The following PLXNA1 variants were observed in gnomAD, a reference collection of about 807,000 sequenced individuals.
The protein encoded by PLXNA1 is plexin-A1.
PLXNA1 carries 77 observed loss-of-function variants against 191.7 expected under a neutral mutation model. The observed-to-expected ratio is 0.40, with a 90% CI of 0.33 to 0.49. The LOEUF is 0.49. PLXNA1 is among the 20% of genes least tolerant of loss of function. PLXNA1 has a pLI of 0.63. For synonymous variants in PLXNA1, 1,137 were observed against 1,156.4 expected, an observed-to-expected ratio of 0.98 and a Z score of 0.34; for missense variants, 2,110 against 2,660.2, an observed-to-expected ratio of 0.79 and a Z score of 4.55.
chr3:127,009,557 C>G lies in PLXNA1; in HGVS notation c.2112+1644C>G, dbSNP rs937581846. 4.6e-5 allele frequency among the ~76,000 whole-genome samples: 7 copies of G among 151,792 alleles called. No individual in the cohort carries two copies. The South Asian group carries it at 8.4e-4, about 18-fold the overall frequency. On this transcript the variant is annotated intron_variant, in intron 9 of 31. Coordinates refer to ENST00000393409, the MANE Select transcript of PLXNA1 (RefSeq NM_032242.4). ...AACAATGGCCAGTGGCAGTCCCCCC[C>G]CAACCCCCCCACAAGCCCTCTTTCC...
chr3:127,025,390 A>G (rs531303488), intron 23 of PLXNA1, among the ~76,000 whole-genome samples: 42 of 152,288 alleles, frequency 2.8e-4, no homozygotes, highest in African/African-American at 9.9e-4. Flanking sequence ...ATTTATTTTC[A>G]TAGCTTGTTG....
chr3:126,986,075 A>G (rs1371482749), intron 1 of PLXNA1, among the ~76,000 whole-genome samples: 3 of 152,206 alleles, frequency 2.0e-5, no homozygotes, highest in East Asian at 1.9e-4. Flanking sequence ...CCTGTTGAAT[A>G]CAAAAAGTAG....
chr3:127,012,487 C>T (rs1576680843), intron 10 of PLXNA1, among the ~76,000 whole-genome samples: 1 of 152,224 alleles, frequency 6.6e-6, no homozygotes, highest in African/African-American at 2.4e-5. Flanking sequence ...CCGTGGGTCC[C>T]AGGCATGGGC....
At position 127,036,597 on chromosome 3, in the gene PLXNA1, T is replaced by C; in HGVS notation, c.*2580T>C. The C allele has an allele frequency of 6.6e-6, 1 of 152,432 alleles. No individual in the cohort carries two copies. The highest frequency in any genetic ancestry group is 1.5e-5 in the Non-Finnish European group (1 of 68,074). The allele number at this position is 152,432 out of a possible 1,614,324, so 9.4% of individuals were successfully genotyped here. A position where few individuals can be genotyped will look rare whatever the true frequency, so the allele number is the denominator to read the frequency against. On this transcript the variant is annotated 3_prime_UTR_variant, in exon 32 of 32. Transcript: ENST00000393409. ...CGTGGAGTTAGGCCCCAGTCCCTACTTGTCACTGGTTCCCACTGTGCTCCT... is the reference window on the plus strand; with the variant it reads ...CGTGGAGTTAGGCCCCAGTCCCTACCTGTCACTGGTTCCCACTGTGCTCCT...
rs771718256 is a variant in PLXNA1 at position 127,022,830 on chromosome 3, C to T, written c.4362+12C>T. On this transcript the variant is annotated intron_variant, in intron 23 of 31. Coordinates refer to ENST00000393409, the MANE Select transcript of PLXNA1 (RefSeq NM_032242.4). ...ATAAGTTCCTCAAGGTAAGCAGAGG[C>T]GGGAGGAAGCAGGTGTCAGAGGCAG... 4.0e-5 allele frequency: 65 copies of T among 1,611,096 alleles called. No homozygotes were observed. Among genetic ancestry groups the T allele is most frequent in the Middle Eastern group, 1.7e-4 (1 of 6,044 alleles).
intron 15 of PLXNA1, among the ~76,000 whole-genome samples, chr3:127,016,282 C>T (rs2079123063): frequency 5.3e-5 from 8 of 152,048 alleles, no homozygotes; most frequent in Admixed American, 5.2e-4. Context: ...GGCGGCAGGC[C>T]GGGTCCCAAA....
intron 27 of PLXNA1, 51 bp from the exon 28 acceptor site, chr3:127,029,823 G>C (rs773380759): frequency 2.0e-6 from 3 of 1,501,500 alleles, no homozygotes; most frequent in Non-Finnish European, 1.8e-6. Flanking sequence ...AGGCTCGGGC[G>C]GGGGGTGCGG....
At chr3:127,020,722 CCCTGCCTCTGTTGGGGGTCCCG>C (rs2079148097) in intron 21 of PLXNA1, among the ~76,000 whole-genome samples, 1 of 152,234 alleles carries the variant, frequency 6.6e-6, no homozygotes, top group South Asian at 2.1e-4. Context: ...GCCCCTTGGG[CCCTGCCTCTGTTGGGGGTCCCG>C]CCTGCGGCTC....
At chr3:126,989,820 GC>G in intron 2 of PLXNA1, 33 bp downstream of exon 2, 1 of 1,541,370 alleles carries the variant, frequency 6.5e-7, no homozygotes, top group Non-Finnish European at 8.9e-7. Flanking sequence ...TCCTCCCGCG[GC>G]CCCATCCCCT....
At chr3:127,029,340 C>T (rs2079194095) in intron 26 of PLXNA1, 100 bp from the exon 27 acceptor site, 1 of 1,136,656 alleles carries the variant, frequency 8.8e-7, no homozygotes, top group Admixed American at 1.7e-5. Flanking sequence ...CCTCCAGGCA[C>T]AGCACTAGGG....
At position 127,014,842 on chromosome 3, in the gene PLXNA1, T is replaced by C; in HGVS notation, c.2877+11T>C. On this transcript the variant is annotated intron_variant, in intron 14 of 31. Coordinates refer to ENST00000393409, the MANE Select transcript of PLXNA1 (RefSeq NM_032242.4). ...CGCTTCACCTTCGTGGTGAGTCTGC[T>C]GCCCTCCCTCTCTCCCTATTCTCTG... 6.2e-7 allele frequency: 1 copy of C among 1,610,056 alleles called. No individual in the cohort carries two copies. Among genetic ancestry groups the C allele is most frequent in the Middle Eastern group, 1.8e-4 (1 of 5,480 alleles).
intron 4 of PLXNA1, 45 bp from the exon 5 acceptor site, chr3:127,004,566 C>A (rs750821377): frequency 7.2e-6 from 10 of 1,395,252 alleles, no homozygotes; most frequent in Admixed American, 2.0e-5. Context: ...TGGTCAAGGA[C>A]CCCTGGGGTG....
rs1459434938 is a variant in PLXNA1 at position 127,036,273 on chromosome 3, C to G, written c.*2256C>G. The G allele has an allele frequency of 6.5e-6, 1 of 152,700 alleles. No homozygotes were observed. The highest frequency in any genetic ancestry group is 1.5e-5 in the Non-Finnish European group (1 of 68,116). The allele number at this position is 152,700 out of a possible 1,614,324, so 9.5% of individuals were successfully genotyped here. A position where few individuals can be genotyped will look rare whatever the true frequency, so the allele number is the denominator to read the frequency against. ...CATCACCTTCAGAATCCAGTTCCAA[C>G]CCCCACTCTCCTTAGGCCTTGTGCT... On this transcript the variant is annotated 3_prime_UTR_variant, in exon 32 of 32. Transcript: ENST00000393409.
At chr3:127,027,300 CG>C (rs758581690) in intron 23 of PLXNA1, 16 of 271,728 alleles carry the variant, frequency 5.9e-5, no homozygotes, top group Non-Finnish European at 2.1e-5. Flanking sequence ...GCTGAGGGCC[CG>C]GGGCTGTGCT....
At chr3:127,006,689 C>G (rs1388205084) in intron 8 of PLXNA1, among the ~76,000 whole-genome samples, 2 of 152,164 alleles carry the variant, frequency 1.3e-5, no homozygotes, top group African/African-American at 4.8e-5. Context: ...TACTGTTGGA[C>G]GATGCAGCAT....
intron 21 of PLXNA1, among the ~76,000 whole-genome samples, chr3:127,020,618 G>A (rs1406800604): frequency 1.3e-5 from 2 of 152,204 alleles, no homozygotes; most frequent in Non-Finnish European, 2.9e-5. Context: ...CAGAGGGCAG[G>A]AGGAGGCTCT....
rs2079114108 is a variant in PLXNA1 at position 127,014,700 on chromosome 3, C to T, written c.2757-11C>T. 6.2e-7 allele frequency: 1 copy of T among 1,611,084 alleles called. No homozygotes were observed. The highest frequency in any genetic ancestry group is 1.7e-5 in the Admixed American group (1 of 59,918). On this transcript the variant is annotated splice_polypyrimidine_tract_variant and intron_variant, in intron 13 of 31. Coordinates refer to ENST00000393409, the MANE Select transcript of PLXNA1 (RefSeq NM_032242.4). The stretch of plus-strand genomic sequence containing the variant: ...GGGCTCCTGCAGCCCCTGAGGCCCG[C>T]CTGCCCACAGGATCGTCTGTGAGAT...
chr3:127,014,673 C>T (rs775099605), intron 13 of PLXNA1, 38 bp from the exon 14 acceptor site: 14 of 1,578,302 alleles, frequency 8.9e-6, no homozygotes, highest in African/African-American at 1.3e-5. Flanking sequence ...CGGGACGGGG[C>T]GGGGCTCCTG....
intron 9 of PLXNA1, among the ~76,000 whole-genome samples, chr3:127,009,799 G>A (rs984488934): frequency 6.6e-6 from 1 of 152,234 alleles, no homozygotes; most frequent in African/African-American, 2.4e-5. Flanking sequence ...ATGTTGATGG[G>A]AAGGGCCGCC....
Sources: allele counts gnomAD v4.1 joint callset (sites outside exome capture counted in the v4.1 genomes callset), GRCh38; gene constraint gnomAD v4.1.1; transcripts MANE v1.5; gene names NCBI Gene and HGNC (gene_info 2026-07-23, HGNC 2026-07-21).